The following VPS13D variants were observed in gnomAD, a reference collection of about 807,000 sequenced individuals.
The protein encoded by VPS13D is vacuolar protein sorting 13 homolog D, also known as intermembrane lipid transfer protein VPS13D.
VPS13D carries 187 observed loss-of-function variants against 461.9 expected under a neutral mutation model. That is an observed-to-expected ratio of 0.40 (90% CI 0.36 to 0.46). The LOEUF is 0.46. VPS13D is among the 20% of genes least tolerant of loss of function. The pLI, the probability that VPS13D is intolerant of heterozygous loss-of-function variation, is 0.60. For synonymous variants in VPS13D, 1,951 were observed against 1,986.3 expected, an observed-to-expected ratio of 0.98 and a Z score of 0.47; for missense variants, 4,711 against 5,364.9, an observed-to-expected ratio of 0.88 and a Z score of 3.81.
chr1:12,251,716 C>G (rs1284857701), intron 6 of VPS13D, among the ~76,000 whole-genome samples: 1 of 152,154 alleles, frequency 6.6e-6, no homozygotes, highest in Non-Finnish European at 1.5e-5. Flanking sequence ...ACTTCTTTTT[C>G]TGAAACATAC....
chr1:12,335,357 G>A (rs181421841), intron 38 of VPS13D, among the ~76,000 whole-genome samples: 15 of 152,270 alleles, frequency 9.9e-5, no homozygotes, highest in East Asian at 1.9e-4. Context: ...GTGAGCCACC[G>A]CGTCCGGCCT....
At chr1:12,496,084 CG>C (rs1166139245) in intron 67 of VPS13D, among the ~76,000 whole-genome samples, 1 of 152,088 alleles carries the variant, frequency 6.6e-6, no homozygotes, top group Non-Finnish European at 1.5e-5. Flanking sequence ...TTGAGACTGG[CG>C]GGGTATGTGA....
At chr1:12,337,968 T>C in intron 39 of VPS13D, 1 of 369,256 alleles carries the variant, frequency 2.7e-6, no homozygotes, top group South Asian at 3.7e-5. Context: ...GAAGGTTCAA[T>C]ACATATTCTT....
At chr1:12,247,331 C>T (rs1487825682) in intron 5 of VPS13D, among the ~76,000 whole-genome samples, 2 of 151,428 alleles carry the variant, frequency 1.3e-5, no homozygotes, top group Non-Finnish European at 2.9e-5. Context: ...GCAGGAAAGT[C>T]GCTTGAACCC....
chr1:12,286,867 T>C (rs1641988811), intron 21 of VPS13D, among the ~76,000 whole-genome samples: 1 of 152,208 alleles, frequency 6.6e-6, no homozygotes, highest in African/African-American at 2.4e-5. Context: ...ATTATTTTTA[T>C]TTTATCTTTT....
Position 12,260,683 on chromosome 1 carries a change from A to T in VPS13D, c.1111-10A>T. ...TTTTTGTTTATTTGCTTTTGTTTTC[A>T]CCCAAACAGGAGGAAATGTGTCGGA... On this transcript the variant is annotated splice_polypyrimidine_tract_variant and intron_variant, in intron 10 of 69. Transcript: ENST00000620676. 1 of 1,613,280 alleles carries T rather than the reference A, an allele frequency of 6.2e-7. No homozygotes were observed. Among genetic ancestry groups the T allele is most frequent in the Non-Finnish European group, 8.5e-7 (1 of 1,179,374 alleles).
chr1:12,443,480 T>C (rs1645154253), intron 65 of VPS13D, among the ~76,000 whole-genome samples: 2 of 152,244 alleles, frequency 1.3e-5, no homozygotes, highest in African/African-American at 2.4e-5. Flanking sequence ...GTCTCTCCAT[T>C]ATGGGAGTTA....
Position 12,492,586 on chromosome 1 carries a change from C to T in VPS13D, c.12663-4914C>T, listed in dbSNP as rs541817241. 7.9e-5 allele frequency among the ~76,000 whole-genome samples: 12 copies of T among 152,302 alleles called. No individual in the cohort carries two copies. The South Asian group carries it at 1.2e-3, about 16-fold the overall frequency. On this transcript the variant is annotated intron_variant, in intron 67 of 69. Coordinates refer to ENST00000620676, the MANE Select transcript of VPS13D (RefSeq NM_015378.4). The stretch of plus-strand genomic sequence containing the variant: ...GTAAAAATGGTTCAGCCACTTCGAA[C>T]GCAGTTTGGATTATCTTGTTAAGTG...
intron 13 of VPS13D, among the ~76,000 whole-genome samples, chr1:12,263,593 G>A (rs1316796447): frequency 6.6e-6 from 1 of 152,150 alleles, no homozygotes; most frequent in Non-Finnish European, 1.5e-5. Flanking sequence ...TGAATTAAAG[G>A]TGTATAAATA....
At chr1:12,292,748 G>A (rs1569828188) in intron 23 of VPS13D, among the ~76,000 whole-genome samples, 1 of 151,700 alleles carries the variant, frequency 6.6e-6, no homozygotes, top group Non-Finnish European at 1.5e-5. Context: ...CAGTGTGTGT[G>A]TTTTTTTTAA....
chr1:12,338,199 TA>T (rs1179504319), intron 39 of VPS13D, 31 bp from the exon 40 acceptor site: 1 of 1,571,572 alleles, frequency 6.4e-7, no homozygotes, highest in South Asian at 1.1e-5. Context: ...TATTTATTCT[TA>T]GCCTCTAACT....
chr1:12,392,279 G>A (rs1644436769), intron 60 of VPS13D, among the ~76,000 whole-genome samples: 1 of 152,082 alleles, frequency 6.6e-6, no homozygotes, highest in Admixed American at 6.5e-5. Flanking sequence ...ATGGCCTGAG[G>A]TCAGGAGTTT....
intron 35 of VPS13D, among the ~76,000 whole-genome samples, chr1:12,327,221 C>G (rs1186196183): frequency 6.6e-6 from 1 of 152,140 alleles, no homozygotes; most frequent in African/African-American, 2.4e-5. Flanking sequence ...CTCTGGAGCC[C>G]ATGCCCTCGA....
chr1:12,456,902 C>T (rs1358477762), intron 66 of VPS13D, among the ~76,000 whole-genome samples: 3 of 152,212 alleles, frequency 2.0e-5, no homozygotes, highest in Non-Finnish European at 4.4e-5. Context: ...AGAATTGTAA[C>T]CTCTGCCTTC....
intron 65 of VPS13D, among the ~76,000 whole-genome samples, chr1:12,433,913 G>GT (rs1645025182): frequency 1.4e-5 from 2 of 144,162 alleles, no homozygotes; most frequent in African/African-American, 5.2e-5. Flanking sequence ...GAGGTAGGGG[G>GT]TGGGGAGAGA....
chr1:12,377,681 G>C (rs1441981799), intron 55 of VPS13D, among the ~76,000 whole-genome samples: 5 of 151,744 alleles, frequency 3.3e-5, no homozygotes, highest in African/African-American at 1.2e-4. Context: ...TCAGCCAGGC[G>C]TGATGGTGCA....
chr1:12,381,334 T>G (rs1259331888), intron 57 of VPS13D, among the ~76,000 whole-genome samples: 4 of 152,216 alleles, frequency 2.6e-5, no homozygotes, highest in Admixed American at 6.5e-5. Flanking sequence ...TTTTCATGAG[T>G]CAATATTTAA....
chr1:12,385,806 A>AT (rs1043828490), intron 59 of VPS13D, among the ~76,000 whole-genome samples: 6 of 152,238 alleles, frequency 3.9e-5, no homozygotes, highest in Non-Finnish European at 7.3e-5. Context: ...TCAAATGCCT[A>AT]TGTGTAAAAC....
At chr1:12,309,872 T>C (rs891491274) in intron 27 of VPS13D, among the ~76,000 whole-genome samples, 5 of 152,140 alleles carry the variant, frequency 3.3e-5, no homozygotes, top group African/African-American at 1.2e-4. Context: ...GGGCAAGTCA[T>C]TTAATGTCAC....
Sources: gnomAD v4.1 joint callset for allele counts (sites outside exome capture counted in the v4.1 genomes callset) on GRCh38, gnomAD v4.1.1 for gene constraint, MANE v1.5 for transcripts, NCBI Gene and HGNC (gene_info 2026-07-23, HGNC 2026-07-21) for gene names.